TMEM116: variants seen among roughly 807,000 people sequenced by gnomAD.
TMEM116 encodes transmembrane protein 116.
Under a neutral mutation model 44.3 loss-of-function variants are expected in TMEM116, and 38 were observed. The ratio of observed to expected loss-of-function variants is 0.86; its 90% confidence interval spans 0.66 to 1.12. TMEM116 has a LOEUF of 1.12. Ranked by LOEUF, TMEM116 falls within the 50% of genes most tolerant of loss-of-function variation. The pLI, the probability that TMEM116 is intolerant of heterozygous loss-of-function variation, is 0.00. For missense variants in TMEM116, 354 were observed against 401.7 expected (o/e 0.88, Z 1.01); for synonymous variants, 132 against 144.8 (o/e 0.91, Z 0.64).
At chr12:111,999,805 C>T (rs1290289512) in intron 3 of TMEM116, among the ~76,000 whole-genome samples, 1 of 152,036 alleles carries the variant, frequency 6.6e-6, no homozygotes. Flanking sequence ...TTGACAAACA[C>T]AATGAAGAAT....
chr12:111,995,823 G>T (rs936839521), intron 3 of TMEM116, among the ~76,000 whole-genome samples: 3 of 151,368 alleles, frequency 2.0e-5, no homozygotes, highest in African/African-American at 4.9e-5. Flanking sequence ...TTGAGCCCAG[G>T]AGTTCAAGAC....
intron 4 of TMEM116, among the ~76,000 whole-genome samples, chr12:111,975,625 T>C (rs561688578): frequency 1.3e-5 from 2 of 152,270 alleles, no homozygotes; most frequent in East Asian, 1.9e-4. Flanking sequence ...TCAGTTCCAA[T>C]GAGCAAAGAG....
chr12:111,993,021 G>A (rs547776124), intron 3 of TMEM116: 8 of 165,864 alleles, frequency 4.8e-5, no homozygotes, highest in Non-Finnish European at 7.8e-5. Context: ...CCTGGCATGG[G>A]TGAACTCCTT....
In TMEM116 at chr12:111,986,303, G is replaced by A. The variant is rs547815668; in HGVS notation, c.210+5455C>T. On this transcript the variant is annotated intron_variant, in intron 4 of 10. Transcript: ENST00000552374. Reference sequence around the variant, plus strand: ...AAGCCCAGAAGGTTGAGGCTGCAGTGAGCCACGATCATGCCACTGCACTTC... The same window carrying A: ...AAGCCCAGAAGGTTGAGGCTGCAGTAAGCCACGATCATGCCACTGCACTTC... Among the ~76,000 whole-genome samples, 129 of 152,206 alleles carry A rather than the reference G, an allele frequency of 8.5e-4. 1 individual carries two copies. The highest frequency in any genetic ancestry group is 6.8e-3 in the Middle Eastern group (2 of 294).
intron 9 of TMEM116, among the ~76,000 whole-genome samples, chr12:111,933,335 T>C (rs2071815919): frequency 6.6e-6 from 1 of 152,102 alleles, no homozygotes; most frequent in Non-Finnish European, 1.5e-5. Flanking sequence ...GTCACAATGT[T>C]TTCTCCTCTT....
rs537322752 is a variant in TMEM116, at chr12:111,963,700, A to T, written c.211-20331T>A. Among the ~76,000 whole-genome samples the T allele has an allele frequency of 2.0e-5, 3 of 152,258 alleles. No homozygotes were observed. In the South Asian group the frequency reaches 6.2e-4, roughly 32 times the overall value. On this transcript the variant is annotated intron_variant, in intron 4 of 10. Transcript: ENST00000552374. ...GGGCTAGGGGAGGGATAGCATTAGG[A>T]GAAATACCTAATGGAGATGATGGGT...
chr12:111,999,226 CTTTTT>C (rs138800831), intron 3 of TMEM116, among the ~76,000 whole-genome samples: 1 of 150,776 alleles, frequency 6.6e-6, no homozygotes, highest in Non-Finnish European at 1.5e-5. Flanking sequence ...TGTATTTGTC[CTTTTT>C]TTTTACTTAG....
intron 3 of TMEM116, among the ~76,000 whole-genome samples, chr12:112,003,333 C>G (rs2077377644): frequency 6.6e-6 from 1 of 152,130 alleles, no homozygotes. Context: ...CTTTGGGAGG[C>G]CAAGGCAGGC....
At chr12:111,935,488 G>T (rs943306894) in intron 8 of TMEM116, 1 of 152,080 alleles carries the variant, frequency 6.6e-6, no homozygotes, top group Non-Finnish European at 1.5e-5. Context: ...GGAATCCTCA[G>T]GGTGCCAGGA....
intron 4 of TMEM116, among the ~76,000 whole-genome samples, chr12:111,957,524 G>A (rs1208625091): frequency 2.2e-4 from 33 of 151,072 alleles, no homozygotes; most frequent in African/African-American, 7.0e-4. Context: ...CAGCCGCCCC[G>A]TCCGGGAGGT....
chr12:111,945,173 A>G (rs550192136), intron 4 of TMEM116, among the ~76,000 whole-genome samples: 2 of 150,550 alleles, frequency 1.3e-5, no homozygotes, highest in African/African-American at 2.4e-5. Flanking sequence ...TGAAACCCCC[A>G]TCTCTACTAA....
At chr12:111,985,047 T>C (rs1463330631) in intron 4 of TMEM116, among the ~76,000 whole-genome samples, 1 of 152,136 alleles carries the variant, frequency 6.6e-6, no homozygotes, top group Non-Finnish European at 1.5e-5. Flanking sequence ...TCATACTCAA[T>C]GATGAAAGAC....
chr12:112,006,499 A>T (rs2077592909), intron 1 of TMEM116, among the ~76,000 whole-genome samples: 1 of 152,270 alleles, frequency 6.6e-6, no homozygotes. Flanking sequence ...ACTAGTGAAA[A>T]GCTGAGGTGG....
chr12:111,987,100 A>C (rs1278357798), intron 4 of TMEM116, among the ~76,000 whole-genome samples: 2 of 152,168 alleles, frequency 1.3e-5, no homozygotes, highest in African/African-American at 4.8e-5. Context: ...ACAGAATAAA[A>C]AGGCAGCCTA....
chr12:111,947,309 G>A (rs1168425485), intron 4 of TMEM116, among the ~76,000 whole-genome samples: 2 of 151,864 alleles, frequency 1.3e-5, no homozygotes, highest in Non-Finnish European at 2.9e-5. Context: ...GGCTTCCCCA[G>A]AATCAGACTC....
intron 5 of TMEM116, among the ~76,000 whole-genome samples, chr12:111,941,595 T>G (rs1228734159): frequency 6.6e-6 from 1 of 152,222 alleles, no homozygotes; most frequent in Non-Finnish European, 1.5e-5. Flanking sequence ...GCTACTGAAC[T>G]AGACTGTGAA....
rs192238002 is a variant in TMEM116, at chr12:111,997,556, T to A, written c.79-5667A>T. On this transcript the variant is annotated intron_variant, in intron 3 of 10. Coordinates refer to ENST00000552374, the MANE Select transcript of TMEM116 (RefSeq NM_001193531.2). ...AGTGGCACAGCAAAATCCTGTTATC[T>A]AAAAAAAAACAAAAACAAACAAACA... 4.0e-3 allele frequency among the ~76,000 whole-genome samples: 595 copies of A among 150,000 alleles called. 15 individuals carry two copies. The highest frequency in any genetic ancestry group is 0.037 in the Admixed American group (559 of 15,022).
At chr12:111,994,557 T>C (rs1354484363) in intron 3 of TMEM116, among the ~76,000 whole-genome samples, 1 of 152,170 alleles carries the variant, frequency 6.6e-6, no homozygotes. Context: ...GTCATTTGAT[T>C]ATGAGGTGAG....
chr12:111,940,520 TGTGTATATATATATATATATATATAC>T (rs1329670706), intron 5 of TMEM116, among the ~76,000 whole-genome samples: 41 of 106,610 alleles, frequency 3.8e-4, no homozygotes, highest in Middle Eastern at 4.6e-3. Flanking sequence ...CACATATATA[TGTGTATATATATATATATATATATAC>T]ACACACACAT....
Sources: gnomAD v4.1 joint callset for allele counts (sites outside exome capture counted in the v4.1 genomes callset) on GRCh38, gnomAD v4.1.1 for gene constraint, MANE v1.5 for transcripts, NCBI Gene and HGNC (gene_info 2026-07-23, HGNC 2026-07-21) for gene names.